Variants in LZTS1 observed in about 807,000 individuals in gnomAD.
LZTS1 encodes the protein leucine zipper putative tumor suppressor 1.
Under a neutral mutation model 45.8 loss-of-function variants are expected in LZTS1, and 31 were observed. The ratio of observed to expected loss-of-function variants is 0.68; its 90% CI spans 0.51 to 0.91. LZTS1 has a LOEUF of 0.91. Ranked by LOEUF, LZTS1 falls within the 40% of genes least tolerant of loss-of-function variation. The pLI, the probability that LZTS1 is intolerant of heterozygous loss-of-function variation, is 0.00. For synonymous variants in LZTS1, 359 were observed against 357.3 expected (o/e 1.00, Z -0.05); for missense variants, 821 against 788.9 (o/e 1.04, Z -0.49).
intron 1 of LZTS1, among the ~76,000 whole-genome samples, chr8:20,272,073 C>T (rs1227582395): frequency 1.3e-5 from 2 of 152,186 alleles, no homozygotes; most frequent in Non-Finnish European, 2.9e-5. Context: ...CCATCAGGGC[C>T]CTGTAGGCAT....
rs377067327 is a variant in LZTS1, at chr8:20,281,039, T to C, written c.-135+22701A>G. Among the ~76,000 whole-genome samples, 4 of 152,356 alleles carry C rather than the reference T, an allele frequency of 2.6e-5. No individual in the cohort carries two copies. The East Asian group carries it at 7.7e-4, about 29-fold the overall frequency. On this transcript the variant is annotated intron_variant, in intron 1 of 3. Transcript: ENST00000381569. The stretch of plus-strand genomic sequence containing the variant: ...TGGCAGCAAGAACAGTTGTTCTCCC[T>C]GAGCTACTCAGCAAAGACGGTGTCT...
chr8:20,280,008 T>A (rs1800657628), intron 1 of LZTS1, among the ~76,000 whole-genome samples: 1 of 151,472 alleles, frequency 6.6e-6, no homozygotes, highest in East Asian at 1.9e-4. Flanking sequence ...TGCCAGTGAA[T>A]TTTCTTTTCC....
At chr8:20,286,698 C>T (rs534861543) in intron 1 of LZTS1, among the ~76,000 whole-genome samples, 4 of 152,134 alleles carry the variant, frequency 2.6e-5, no homozygotes, top group South Asian at 4.1e-4. Context: ...CAGTTTTGTG[C>T]GTAAGAGTCC....
In LZTS1 at chr8:20,253,374, CTG is replaced by C. The variant is rs1325382794; in HGVS notation, c.555_556del (p.His185GlnfsTer52). ...GTCCAGCTGGTAGCTGCTGCTGGTG[CTG>C]TGTGTGGGCAGGCTGGACATGGAGT... On this transcript the variant is annotated frameshift_variant, in exon 3 of 4. Coordinates refer to ENST00000381569, the MANE Select transcript of LZTS1 (RefSeq NM_021020.5). LOFTEE classifies it high-confidence loss of function. The C allele has an allele frequency of 6.2e-7, 1 of 1,613,330 alleles. No homozygotes were observed. Among genetic ancestry groups the C allele is most frequent in the Admixed American group, 1.7e-5 (1 of 60,006 alleles).
chr8:20,277,319 G>A (rs563595050), intron 1 of LZTS1, among the ~76,000 whole-genome samples: 38 of 152,194 alleles, frequency 2.5e-4, no homozygotes, highest in Non-Finnish European at 2.8e-4. Flanking sequence ...CTCAGTTCTG[G>A]GAAGTACCCA....
At chr8:20,275,263 G>A (rs539351125) in intron 1 of LZTS1, among the ~76,000 whole-genome samples, 1 of 152,182 alleles carries the variant, frequency 6.6e-6, no homozygotes, top group East Asian at 1.9e-4. Flanking sequence ...TTAGCTGGGT[G>A]TGGTGGCGGG....
At chr8:20,296,032 C>T (rs1165712530) in intron 1 of LZTS1, among the ~76,000 whole-genome samples, 2 of 152,174 alleles carry the variant, frequency 1.3e-5, no homozygotes, top group Non-Finnish European at 2.9e-5. Flanking sequence ...GCCTTACACC[C>T]ACTCTCTGAA....
chr8:20,300,574 C>T (rs1278279987), intron 1 of LZTS1, among the ~76,000 whole-genome samples: 1 of 152,044 alleles, frequency 6.6e-6, no homozygotes, highest in Non-Finnish European at 1.5e-5. Flanking sequence ...CCTCGTGATC[C>T]ACCTGCCTCA....
At position 20,250,285 on chromosome 8, in the gene LZTS1, T is replaced by C. The variant is rs1352874772; in HGVS notation, c.1228A>G (p.Ser410Gly). The part of the protein sequence containing the change: ...ESQTEVNAKA[S>G]EILGLKAQLK... Reference sequence around the variant, plus strand: ...TGTGCCTTGAGACCCAGGATCTCGCTAGCCTTGGCGTTCACCTCCGTCTGG... The same window carrying C: ...TGTGCCTTGAGACCCAGGATCTCGCCAGCCTTGGCGTTCACCTCCGTCTGG... The change falls in exon 4 of 4, where the codon AGC becomes GGC. Residue 410 changes from serine to glycine, a missense_variant. Ser to Gly is a moderately conservative substitution (Grantham distance 56). Transcript: ENST00000381569. The C allele has an allele frequency of 1.9e-6, 3 of 1,613,762 alleles. No homozygotes were observed. The highest frequency in any genetic ancestry group is 2.5e-6 in the Non-Finnish European group (3 of 1,179,970).
At chr8:20,296,314 C>T (rs531260696) in intron 1 of LZTS1, among the ~76,000 whole-genome samples, 1 of 152,310 alleles carries the variant, frequency 6.6e-6, no homozygotes, top group South Asian at 2.1e-4. Flanking sequence ...GAACAATGCC[C>T]ACTCCCAACC....
rs1318611224 is a variant in LZTS1, at chr8:20,248,144, C to T, written c.*1578G>A. ...GACCAGCTTTGGCAACAAAACGAGACCCCGTCCCTACAAAAAAAATGAAAA... is the reference window on the plus strand; with the variant it reads ...GACCAGCTTTGGCAACAAAACGAGATCCCGTCCCTACAAAAAAAATGAAAA... On this transcript the variant is annotated 3_prime_UTR_variant, in exon 4 of 4. Transcript: ENST00000381569. 3 of 150,824 alleles carry T rather than the reference C, an allele frequency of 2.0e-5. No homozygotes were observed. In the East Asian group the frequency reaches 5.9e-4, roughly 29 times the overall value. The allele number at this position is 150,824 out of a possible 1,614,324, so 9.3% of individuals were successfully genotyped here. A position where few individuals can be genotyped will look rare whatever the true frequency, so the allele number is the denominator to read the frequency against.
chr8:20,256,231 G>A (rs1453902329), intron 1 of LZTS1, among the ~76,000 whole-genome samples: 1 of 152,130 alleles, frequency 6.6e-6, no homozygotes, highest in East Asian at 1.9e-4. Flanking sequence ...CAGCCTGGCT[G>A]GAGAACAATT....
chr8:20,294,681 C>T (rs1374685931), intron 1 of LZTS1, among the ~76,000 whole-genome samples: 1 of 152,104 alleles, frequency 6.6e-6, no homozygotes, highest in Non-Finnish European at 1.5e-5. Flanking sequence ...TGTGGAAATG[C>T]CCTTTGGGGG....
intron 1 of LZTS1, among the ~76,000 whole-genome samples, chr8:20,265,009 G>A (rs1360089411): frequency 6.6e-6 from 1 of 152,196 alleles, no homozygotes; most frequent in Middle Eastern, 3.4e-3. Flanking sequence ...TTGGGCTCAC[G>A]GTGCTGCTTG....
At chr8:20,299,854 C>A (rs1241697766) in intron 1 of LZTS1, among the ~76,000 whole-genome samples, 1 of 152,240 alleles carries the variant, frequency 6.6e-6, no homozygotes, top group Non-Finnish European at 1.5e-5. Flanking sequence ...TATTCAACAG[C>A]AAACTCAAAG....
intron 1 of LZTS1, among the ~76,000 whole-genome samples, chr8:20,295,199 G>A (rs905177592): frequency 2.0e-5 from 3 of 152,160 alleles, no homozygotes; most frequent in Non-Finnish European, 2.9e-5. Context: ...GCCAGCCCCG[G>A]CACCATGCCT....
At chr8:20,268,635 A>G (rs1021486661) in intron 1 of LZTS1, among the ~76,000 whole-genome samples, 8 of 152,076 alleles carry the variant, frequency 5.3e-5, no homozygotes, top group African/African-American at 1.7e-4. Context: ...GAAGGCCTAC[A>G]TGAGCAAAGC....
intron 1 of LZTS1, among the ~76,000 whole-genome samples, chr8:20,280,178 T>C (rs1800660024): frequency 6.6e-6 from 1 of 152,144 alleles, no homozygotes; most frequent in Admixed American, 6.5e-5. Flanking sequence ...TCCCTCGTTT[T>C]CTCAGTTCTT....
chr8:20,272,269 C>T (rs67777401), intron 1 of LZTS1, among the ~76,000 whole-genome samples: 10,313 of 152,198 alleles, frequency 0.068, 461 homozygotes, highest in African/African-American at 0.12. Flanking sequence ...CGATGTGCAG[C>T]TGCTGATACT....
Sources: allele counts gnomAD v4.1 joint callset (sites outside exome capture counted in the v4.1 genomes callset), GRCh38; gene constraint gnomAD v4.1.1; transcripts MANE v1.5; gene names NCBI Gene and HGNC (gene_info 2026-07-23, HGNC 2026-07-21).